Variants in ATE1 observed in about 807,000 individuals in gnomAD.
ATE1 encodes the protein arginyltransferase 1.
A neutral mutation model predicts 70.5 loss-of-function variants in ATE1; 36 were observed. The observed-to-expected ratio is 0.51, with a 90% CI of 0.39 to 0.67. ATE1 has a LOEUF of 0.67. Ranked by LOEUF, ATE1 falls within the 30% of genes least tolerant of loss-of-function variation. ATE1 has a pLI of 0.00. For missense variants in ATE1, 593 were observed against 629.5 expected, an observed-to-expected ratio of 0.94 and a Z score of 0.62; for synonymous variants, 232 against 219.3, an observed-to-expected ratio of 1.06 and a Z score of -0.51.
At chr10:121,860,251 G>A (rs1949420471) in intron 8 of ATE1, among the ~76,000 whole-genome samples, 1 of 152,210 alleles carries the variant, frequency 6.6e-6, no homozygotes, top group Non-Finnish European at 1.5e-5. Flanking sequence ...GCTTGCTCAA[G>A]GCCACAAAGC....
At chr10:121,786,491 A>C (rs1946217447) in intron 11 of ATE1, among the ~76,000 whole-genome samples, 1 of 152,046 alleles carries the variant, frequency 6.6e-6, no homozygotes, top group Admixed American at 6.6e-5. Flanking sequence ...CAACGTAGCA[A>C]AACTCCACCT....
chr10:121,877,399 A>G (rs959400989), intron 7 of ATE1, among the ~76,000 whole-genome samples: 1 of 152,218 alleles, frequency 6.6e-6, no homozygotes, highest in Non-Finnish European at 1.5e-5. Context: ...AAGTGTTTAG[A>G]AATGTACCAA....
chr10:121,906,068 G>A (rs1951177710), intron 5 of ATE1, among the ~76,000 whole-genome samples: 1 of 152,128 alleles, frequency 6.6e-6, no homozygotes, highest in Non-Finnish European at 1.5e-5. Context: ...TTAAGTCCAA[G>A]GGAATAGATT....
chr10:121,753,364 A>G (rs1799652036), intron 11 of ATE1, among the ~76,000 whole-genome samples: 1 of 152,188 alleles, frequency 6.6e-6, no homozygotes, highest in Admixed American at 6.5e-5. Flanking sequence ...AATCTATGCA[A>G]TTTAGTTAAA....
At chr10:121,827,414 C>A (rs1342221567) in intron 10 of ATE1, among the ~76,000 whole-genome samples, 1 of 152,174 alleles carries the variant, frequency 6.6e-6, no homozygotes, top group Non-Finnish European at 1.5e-5. Flanking sequence ...CACCTTGGAA[C>A]TGTAAGAGAA....
chr10:121,740,883 A>T lies in ATE1; in HGVS notation c.*2797T>A, dbSNP rs1944127739. 6.6e-6 allele frequency: 1 copy of T among 152,266 alleles called. No individual in the cohort carries two copies. Among genetic ancestry groups the T allele is most frequent in the African/African-American group, 2.4e-5 (1 of 41,478 alleles). 9.4% of individuals were successfully genotyped at this position (152,266 alleles called of 1,614,324 possible). ...TTTTAATCAAATGTACAACATATTT[A>T]TCTGATATCATCTATCTTTTAGAAT... On this transcript the variant is annotated 3_prime_UTR_variant, in exon 12 of 12. Transcript: ENST00000224652.
At chr10:121,919,016 A>G (rs991362034) in intron 3 of ATE1, among the ~76,000 whole-genome samples, 1 of 151,904 alleles carries the variant, frequency 6.6e-6, no homozygotes, top group African/African-American at 2.4e-5. Flanking sequence ...TCAGCACTCT[A>G]TAAAATGGAC....
intron 11 of ATE1, among the ~76,000 whole-genome samples, chr10:121,755,270 A>G (rs1944749807): frequency 6.6e-6 from 1 of 152,220 alleles, no homozygotes; most frequent in African/African-American, 2.4e-5. Context: ...TTTGATGGCC[A>G]TGTCTAGTAA....
At chr10:121,783,783 T>C (rs962664998) in intron 11 of ATE1, among the ~76,000 whole-genome samples, 1 of 152,208 alleles carries the variant, frequency 6.6e-6, no homozygotes, top group African/African-American at 2.4e-5. Flanking sequence ...CTCTAAAGCA[T>C]CACGATATTT....
chr10:121,780,484 T>C (rs924861093), intron 11 of ATE1, among the ~76,000 whole-genome samples: 2 of 152,196 alleles, frequency 1.3e-5, no homozygotes, highest in African/African-American at 4.8e-5. Flanking sequence ...CAAACCCTTC[T>C]TAACTCTGCT....
intron 5 of ATE1, among the ~76,000 whole-genome samples, chr10:121,904,640 C>CAAAAAA (rs778557337): frequency 1.5e-4 from 7 of 46,496 alleles, no homozygotes; most frequent in South Asian, 1.0e-3. Context: ...GACTCCGTCT[C>CAAAAAA]AAAAAAAAAA....
intron 11 of ATE1, among the ~76,000 whole-genome samples, chr10:121,750,623 TCTC>T (rs1426305958): frequency 1.6e-5 from 2 of 126,442 alleles, no homozygotes; most frequent in African/African-American, 5.1e-5. Context: ...AAGCTTTACT[TCTC>T]CTTCTTATGG....
chr10:121,855,447 T>G (rs1949212914), intron 8 of ATE1, among the ~76,000 whole-genome samples: 1 of 152,212 alleles, frequency 6.6e-6, no homozygotes, highest in Non-Finnish European at 1.5e-5. Context: ...TGTGAGTTAA[T>G]CAATTAAGGA....
chr10:121,880,561 A>G (rs914457292), intron 7 of ATE1, among the ~76,000 whole-genome samples: 4 of 149,528 alleles, frequency 2.7e-5, no homozygotes, highest in Non-Finnish European at 5.9e-5. Flanking sequence ...GCCCACAAAT[A>G]TATATATACA....
At chr10:121,845,787 T>C (rs1948796485) in intron 8 of ATE1, among the ~76,000 whole-genome samples, 1 of 152,226 alleles carries the variant, frequency 6.6e-6, no homozygotes, top group South Asian at 2.1e-4. Flanking sequence ...ATTCATGTGC[T>C]AATGGATTAG....
chr10:121,870,379 TCTTCCTGACC>T (rs1949809544), intron 7 of ATE1, among the ~76,000 whole-genome samples: 1 of 152,166 alleles, frequency 6.6e-6, no homozygotes, highest in Admixed American at 6.5e-5. Flanking sequence ...AAATCAGCAA[TCTTCCTGACC>T]TAAATTTGAC....
At chr10:121,851,371 G>A (rs900632159) in intron 8 of ATE1, among the ~76,000 whole-genome samples, 1 of 152,206 alleles carries the variant, frequency 6.6e-6, no homozygotes, top group Non-Finnish European at 1.5e-5. Flanking sequence ...GGTGAAGCGA[G>A]ATCGTGCCAC....
rs1023683117 is a variant in ATE1, at chr10:121,786,145, C to T, written c.1378+4024G>A. On this transcript the variant is annotated intron_variant, in intron 11 of 11. Coordinates refer to ENST00000224652, the MANE Select transcript of ATE1 (RefSeq NM_001001976.3). ...TGTTCAATTATGTTTTCAGGATAAA[C>T]TGAGTAACAGGGGGAATCATAGGAT... Among the ~76,000 whole-genome samples the T allele has an allele frequency of 4.1e-5, 6 of 147,204 alleles. 1 individual carries two copies. In the East Asian group the frequency reaches 1.3e-3, roughly 31 times the overall value.
intron 4 of ATE1, among the ~76,000 whole-genome samples, chr10:121,913,072 G>C (rs751878245): frequency 6.6e-6 from 1 of 152,212 alleles, no homozygotes; most frequent in East Asian, 1.9e-4. Flanking sequence ...GTAGAGACAG[G>C]GTTTCACCAT....
Sources: allele counts gnomAD v4.1 joint callset (sites outside exome capture counted in the v4.1 genomes callset), GRCh38; gene constraint gnomAD v4.1.1; transcripts MANE v1.5; gene names NCBI Gene and HGNC (gene_info 2026-07-23, HGNC 2026-07-21).